CDH12: variants seen among roughly 807,000 people sequenced by gnomAD.
CDH12 encodes cadherin-12.
CDH12 carries 41 observed loss-of-function variants against 74.1 expected under a neutral mutation model. The observed-to-expected ratio is 0.55, with a 90% confidence interval of 0.43 to 0.72. The LOEUF is 0.72. Among genes scored for constraint, CDH12 ranks in the 30% least tolerant of loss-of-function variants. The probability of loss-of-function intolerance (pLI) is 0.00; values close to 1 mark genes in which losing one functional copy is unlikely to be tolerated. For synonymous variants in CDH12, 399 were observed against 355.0 expected, an observed-to-expected ratio of 1.12 and a Z score of -1.39; for missense variants, 945 against 977.2, an observed-to-expected ratio of 0.97 and a Z score of 0.44.
intron 5 of CDH12, among the ~76,000 whole-genome samples, chr5:22,037,688 G>T (rs1299408149): frequency 6.6e-6 from 1 of 152,178 alleles, no homozygotes; most frequent in Non-Finnish European, 1.5e-5. Context: ...AAGTAGCCTT[G>T]CTAGAGAGTG....
At chr5:22,073,927 A>G (rs1742125968) in intron 5 of CDH12, among the ~76,000 whole-genome samples, 1 of 152,100 alleles carries the variant, frequency 6.6e-6, no homozygotes, top group Non-Finnish European at 1.5e-5. Flanking sequence ...TGATTTCCAC[A>G]TACGCTCTTT....
In CDH12 at chr5:22,025,600, G is replaced by T. The variant is rs572682204; in HGVS notation, c.232-50215C>A. Reference sequence around the variant, plus strand: ...TTGGCTGCAGTGTTACTTAAATTAAGATAATGATGAAGTTTGCTGCATTTA... The same window carrying T: ...TTGGCTGCAGTGTTACTTAAATTAATATAATGATGAAGTTTGCTGCATTTA... On this transcript the variant is annotated intron_variant, in intron 5 of 14. Coordinates refer to ENST00000382254, the MANE Select transcript of CDH12 (RefSeq NM_004061.5). Among the ~76,000 whole-genome samples the T allele has an allele frequency of 6.9e-4, 105 of 152,256 alleles. 1 individual carries two copies. In the South Asian group the frequency reaches 0.022, roughly 31 times the overall value.
chr5:21,769,833 C>T (rs185001364), intron 11 of CDH12, among the ~76,000 whole-genome samples: 392 of 152,130 alleles, frequency 2.6e-3, no homozygotes, highest in African/African-American at 9.2e-3. Context: ...ATTGAGATTC[C>T]ACATAAGATT....
At chr5:21,899,605 C>G (rs1295006768) in intron 6 of CDH12, among the ~76,000 whole-genome samples, 1 of 152,056 alleles carries the variant, frequency 6.6e-6, no homozygotes, top group African/African-American at 2.4e-5. Flanking sequence ...AATGGCAAAG[C>G]AATCAGTTTT....
chr5:22,248,564 C>T (rs1038143199), intron 3 of CDH12, among the ~76,000 whole-genome samples: 1 of 152,048 alleles, frequency 6.6e-6, no homozygotes, highest in African/African-American at 2.4e-5. Flanking sequence ...TGGACATGAT[C>T]ACTCTGGATA....
At chr5:22,332,043 A>G (rs1580532230) in intron 3 of CDH12, among the ~76,000 whole-genome samples, 3 of 152,202 alleles carry the variant, frequency 2.0e-5, no homozygotes, top group African/African-American at 7.2e-5. Flanking sequence ...AAATCTAAGA[A>G]TTACTGACCT....
chr5:22,240,610 T>C (rs1039254541), intron 3 of CDH12, among the ~76,000 whole-genome samples: 3 of 152,192 alleles, frequency 2.0e-5, no homozygotes, highest in African/African-American at 4.8e-5. Flanking sequence ...CTCGGCTCAC[T>C]GCAACCTCTG....
intron 4 of CDH12, among the ~76,000 whole-genome samples, chr5:22,167,581 C>T (rs1003380224): frequency 2.6e-5 from 4 of 152,050 alleles, no homozygotes; most frequent in African/African-American, 9.7e-5. Flanking sequence ...CTGGAATCAA[C>T]TATGAGAAAA....
chr5:21,877,549 T>G (rs1343089072), intron 6 of CDH12, among the ~76,000 whole-genome samples: 1 of 152,206 alleles, frequency 6.6e-6, no homozygotes, highest in Non-Finnish European at 1.5e-5. Context: ...GATCAGCTGA[T>G]GTTAGAAGTT....
intron 2 of CDH12, among the ~76,000 whole-genome samples, chr5:22,428,261 TATATATAGATATC>T (rs1744025784): frequency 6.6e-6 from 1 of 152,144 alleles, no homozygotes; most frequent in Non-Finnish European, 1.5e-5. Flanking sequence ...TGAGCATATG[TATATATAGATATC>T]ATATATCCAT....
At chr5:21,880,616 C>CTTCCTTCCTTCT in intron 6 of CDH12, among the ~76,000 whole-genome samples, 1 of 50,860 alleles carries the variant, frequency 2.0e-5, no homozygotes, top group Admixed American at 2.4e-4. Flanking sequence ...TCCTTCCTTC[C>CTTCCTTCCTTCT]TTCTTTCTTT....
chr5:22,211,499 T>TA (rs1284861653), intron 4 of CDH12, among the ~76,000 whole-genome samples: 4 of 152,086 alleles, frequency 2.6e-5, no homozygotes, highest in Non-Finnish European at 5.9e-5. Flanking sequence ...CATAAAAATT[T>TA]ATCATAATAT....
chr5:22,657,166 T>C (rs1005317601), intron 1 of CDH12, among the ~76,000 whole-genome samples: 1 of 152,182 alleles, frequency 6.6e-6, no homozygotes, highest in East Asian at 1.9e-4. Context: ...AAAGATGATG[T>C]TCTCAGGATT....
chr5:22,306,439 A>C lies in CDH12; in HGVS notation c.-332-93796T>G, dbSNP rs541112428. Among the ~76,000 whole-genome samples the C allele has an allele frequency of 2.0e-5, 3 of 152,310 alleles. No individual in the cohort carries two copies. In the South Asian group the frequency reaches 6.2e-4, roughly 32 times the overall value. ...ATAGAACTAAGATATGGACAGATAC[A>C]CAATCAGCTAGTTAAAAATGACATA... is the stretch of plus-strand genomic sequence containing the variant. On this transcript the variant is annotated intron_variant, in intron 3 of 14. Coordinates refer to ENST00000382254, the MANE Select transcript of CDH12 (RefSeq NM_004061.5).
At chr5:22,730,534 T>C (rs779913995) in intron 1 of CDH12, among the ~76,000 whole-genome samples, 4 of 151,820 alleles carry the variant, frequency 2.6e-5, no homozygotes, top group Admixed American at 6.6e-5. Context: ...TGAATTCAAG[T>C]TAAAATATAA....
chr5:22,540,487 T>A (rs1272811477), intron 1 of CDH12, among the ~76,000 whole-genome samples: 1 of 152,142 alleles, frequency 6.6e-6, no homozygotes, highest in Non-Finnish European at 1.5e-5. Flanking sequence ...AGTTTTATGT[T>A]ATAATGAACT....
chr5:21,821,289 A>G (rs575539855), intron 8 of CDH12, among the ~76,000 whole-genome samples: 1 of 151,988 alleles, frequency 6.6e-6, no homozygotes, highest in African/African-American at 2.4e-5. Flanking sequence ...GGAAATTTCC[A>G]GATACTGATG....
intron 4 of CDH12, among the ~76,000 whole-genome samples, chr5:22,119,583 C>T (rs1233764745): frequency 1.3e-5 from 2 of 151,996 alleles, no homozygotes; most frequent in Admixed American, 6.6e-5. Context: ...AGCCACAGCT[C>T]CCCGCCAATC....
intron 3 of CDH12, among the ~76,000 whole-genome samples, chr5:22,262,511 A>G (rs971952861): frequency 1.3e-5 from 2 of 151,138 alleles, no homozygotes; most frequent in African/African-American, 2.4e-5. Flanking sequence ...AATCCAGTCT[A>G]TCATTGTTGG....
Sources: allele counts gnomAD v4.1 joint callset (sites outside exome capture counted in the v4.1 genomes callset), GRCh38; gene constraint gnomAD v4.1.1; transcripts MANE v1.5; gene names NCBI Gene and HGNC (gene_info 2026-07-23, HGNC 2026-07-21).